Variants in ZCWPW2 observed in about 807,000 individuals in gnomAD.
ZCWPW2 encodes the protein zinc finger CW-type PWWP domain protein 2.
ZCWPW2 carries 45 observed loss-of-function variants against 46.6 expected under a neutral mutation model. The ratio of observed to expected loss-of-function variants is 0.96; its 90% CI spans 0.76 to 1.24. ZCWPW2 has a LOEUF of 1.24. Among genes scored for constraint, ZCWPW2 ranks in the 50% most tolerant of loss-of-function variants. ZCWPW2 has a pLI of 0.00. For synonymous variants in ZCWPW2, 152 were observed against 137.1 expected, an observed-to-expected ratio of 1.11 and a Z score of -0.76; for missense variants, 429 against 403.9, an observed-to-expected ratio of 1.06 and a Z score of -0.53.
chr3:28,411,723 A>G (rs925760537), intron 2 of ZCWPW2, among the ~76,000 whole-genome samples: 2 of 152,128 alleles, frequency 1.3e-5, no homozygotes, highest in African/African-American at 4.8e-5. Context: ...TATTCACTTC[A>G]GTTGCAATCC....
At chr3:28,422,343 T>A (rs1402588547) in intron 3 of ZCWPW2, among the ~76,000 whole-genome samples, 1 of 152,202 alleles carries the variant, frequency 6.6e-6, no homozygotes, top group Non-Finnish European at 1.5e-5. Context: ...AATAGTTATA[T>A]TGGCCTAAAA....
intron 6 of ZCWPW2, among the ~76,000 whole-genome samples, chr3:28,492,698 G>A (rs1161873541): frequency 6.6e-6 from 1 of 152,092 alleles, no homozygotes; most frequent in Non-Finnish European, 1.5e-5. Flanking sequence ...TCAGAGAGTT[G>A]TTTAACTCTA....
At chr3:28,391,159 T>C (rs1023289669) in intron 2 of ZCWPW2, among the ~76,000 whole-genome samples, 2 of 152,104 alleles carry the variant, frequency 1.3e-5, no homozygotes, top group African/African-American at 4.8e-5. Context: ...TACTGCAAAG[T>C]AGATAAGGTT....
chr3:28,430,369 A>G lies in ZCWPW2; in HGVS notation c.333-4741A>G, dbSNP rs371903663. 5.3e-5 allele frequency among the ~76,000 whole-genome samples: 8 copies of G among 152,308 alleles called. No homozygotes were observed. The East Asian group carries it at 1.2e-3, about 22-fold the overall frequency. On this transcript the variant is annotated intron_variant, in intron 3 of 9. Coordinates refer to ENST00000383768, the MANE Select transcript of ZCWPW2 (RefSeq NM_001040432.4). ...GCCCCTTCGTTTTGGCCAATTTCTT[A>G]TTTGGAATGAGTGTATTTACACAAT... is the stretch of plus-strand genomic sequence containing the variant.
At chr3:28,367,701 T>G (rs1477439714) in intron 1 of ZCWPW2, among the ~76,000 whole-genome samples, 6 of 152,044 alleles carry the variant, frequency 3.9e-5, no homozygotes, top group African/African-American at 1.4e-4. Flanking sequence ...GGATATCCTT[T>G]TTAACTTTCT....
chr3:28,486,574 T>C (rs2125811691), intron 5 of ZCWPW2, among the ~76,000 whole-genome samples: 1 of 152,268 alleles, frequency 6.6e-6, no homozygotes, highest in South Asian at 2.1e-4. Flanking sequence ...TCTCCTTCAC[T>C]TTTGAAAAAT....
At position 28,381,029 on chromosome 3, in the gene ZCWPW2, ATATATATATATATATTTGGTG is replaced by A. The variant is rs1695074586; in HGVS notation, c.-133-9453_-133-9433del. On this transcript the variant is annotated intron_variant, in intron 1 of 9. Transcript: ENST00000383768. ...ATATATATATATATATATTTGGTAT[ATATATATATATATATTTGGTG>A]TATATATATATATATATATATATAT... Among the ~76,000 whole-genome samples, 7 of 22,318 alleles carry A rather than the reference ATATATATATATATATTTGGTG, an allele frequency of 3.1e-4. 3 individuals are homozygous for A. The highest frequency in any genetic ancestry group is 9.3e-4 in the African/African-American group (7 of 7,536). The allele number at this position is 22,318 out of a possible 152,430, so 14.6% of individuals were successfully genotyped here. A position where few individuals can be genotyped will look rare whatever the true frequency, so the allele number is the denominator to read the frequency against.
chr3:28,472,909 A>G (rs1224600110), intron 4 of ZCWPW2, among the ~76,000 whole-genome samples: 1 of 152,198 alleles, frequency 6.6e-6, no homozygotes, highest in Non-Finnish European at 1.5e-5. Context: ...TCTAATAAAA[A>G]AATGGGCAAA....
chr3:28,417,101 G>A (rs994538470), intron 3 of ZCWPW2, among the ~76,000 whole-genome samples: 20 of 143,210 alleles, frequency 1.4e-4, no homozygotes, highest in African/African-American at 2.4e-4. Flanking sequence ...TTGATAGACC[G>A]CTAGGAAGAC....
intron 1 of ZCWPW2, among the ~76,000 whole-genome samples, chr3:28,369,964 G>C (rs1004509058): frequency 3.3e-5 from 5 of 152,210 alleles, no homozygotes; most frequent in African/African-American, 1.2e-4. Context: ...GCCAGGCACA[G>C]GATATAATCT....
intron 1 of ZCWPW2, among the ~76,000 whole-genome samples, chr3:28,387,301 A>T (rs189856042): frequency 1.3e-5 from 2 of 152,056 alleles, no homozygotes; most frequent in African/African-American, 4.8e-5. Context: ...GTCTTCTTTC[A>T]TGGAAGGATT....
chr3:28,374,145 T>G (rs1397150859), intron 1 of ZCWPW2, among the ~76,000 whole-genome samples: 1 of 152,214 alleles, frequency 6.6e-6, no homozygotes. Flanking sequence ...AAGTCTTTAG[T>G]CCATTTTGAT....
chr3:28,524,688 G>A lies in ZCWPW2; in HGVS notation c.1071G>A (p.Ter357=). The change falls in exon 10 of 10, where the codon TAG becomes TAA. Residue 357 remains the stop codon, a stop_retained_variant. Coordinates refer to ENST00000383768, the MANE Select transcript of ZCWPW2 (RefSeq NM_001040432.4). ...KEIDALMSEF[*] ...TAGATGCTTTGATGTCTGAGTTTTAGAACATTATACATTTTTCAAATTAAT... is the reference window on the plus strand; with the variant it reads ...TAGATGCTTTGATGTCTGAGTTTTAAAACATTATACATTTTTCAAATTAAT... The A allele has an allele frequency of 6.6e-7, 1 of 1,511,504 alleles. No individual in the cohort carries two copies. The highest frequency in any genetic ancestry group is 1.3e-5 in the South Asian group (1 of 74,794). 93.6% of individuals were successfully genotyped at this position (1,511,504 alleles called of 1,614,324 possible).
chr3:28,509,844 C>A, intron 6 of ZCWPW2, among the ~76,000 whole-genome samples: 1 of 151,940 alleles, frequency 6.6e-6, no homozygotes, highest in East Asian at 1.9e-4. Context: ...CCAATTTATT[C>A]TTTTGTTGTT....
chr3:28,465,496 C>A (rs1698786831), intron 4 of ZCWPW2, among the ~76,000 whole-genome samples: 1 of 152,138 alleles, frequency 6.6e-6, no homozygotes, highest in Non-Finnish European at 1.5e-5. Context: ...ATGCGAATTA[C>A]TTCAACATCT....
intron 3 of ZCWPW2, among the ~76,000 whole-genome samples, chr3:28,431,954 G>A (rs1697273515): frequency 6.6e-6 from 1 of 152,100 alleles, no homozygotes; most frequent in Non-Finnish European, 1.5e-5. Context: ...CATGGTGGCA[G>A]CAAGGAGAAG....
chr3:28,443,803 C>T (rs906925558), intron 4 of ZCWPW2, among the ~76,000 whole-genome samples: 2 of 152,144 alleles, frequency 1.3e-5, no homozygotes, highest in Non-Finnish European at 2.9e-5. Flanking sequence ...ATTGCAGATG[C>T]TGCCCTCACA....
chr3:28,424,916 A>T (rs984173985), intron 3 of ZCWPW2, among the ~76,000 whole-genome samples: 6 of 152,222 alleles, frequency 3.9e-5, no homozygotes, highest in Non-Finnish European at 2.9e-5. Context: ...TTTTATGAGA[A>T]CTTATGAAGG....
intron 1 of ZCWPW2, among the ~76,000 whole-genome samples, chr3:28,363,817 C>A (rs1194308743): frequency 6.6e-6 from 1 of 152,138 alleles, no homozygotes; most frequent in Non-Finnish European, 1.5e-5. Flanking sequence ...AATTAAACTT[C>A]TTGCTCACAG....
Sources: allele counts gnomAD v4.1 joint callset (sites outside exome capture counted in the v4.1 genomes callset), GRCh38; gene constraint gnomAD v4.1.1; transcripts MANE v1.5; gene names NCBI Gene and HGNC (gene_info 2026-07-23, HGNC 2026-07-21).